The following XKR9 variants were observed in gnomAD, a reference collection of about 807,000 sequenced individuals.
XKR9 encodes XK-related protein 9.
XKR9 carries 32 observed loss-of-function variants against 32.0 expected under a neutral mutation model. The ratio of observed to expected loss-of-function variants is 1.00; its 90% CI spans 0.76 to 1.34. The LOEUF (loss-of-function observed/expected upper bound fraction) is 1.34, where lower values mean the gene tolerates loss of function less well. Among genes scored for constraint, XKR9 ranks in the 40% most tolerant of loss-of-function variants. XKR9 has a pLI of 0.00. For missense variants in XKR9, 546 were observed against 429.7 expected, an observed-to-expected ratio of 1.27 and a Z score of -2.39; for synonymous variants, 168 against 143.4, an observed-to-expected ratio of 1.17 and a Z score of -1.22.
At chr8:70,966,350 G>C in the XKR9 span, among the ~76,000 whole-genome samples, 2 of 152,118 alleles carry the variant, frequency 1.3e-5, no homozygotes, top group African/African-American at 4.8e-5. Context: ...CTGGGTTCAA[G>C]TGATTCTCAT....
chr8:70,796,237 G>C, the XKR9 span, among the ~76,000 whole-genome samples: 5 of 151,822 alleles, frequency 3.3e-5, no homozygotes, highest in Non-Finnish European at 7.4e-5. Flanking sequence ...ACTAGGCTCT[G>C]GTGCCTGTTA....
At chr8:70,940,887 G>A in the XKR9 span, among the ~76,000 whole-genome samples, 8 of 152,044 alleles carry the variant, frequency 5.3e-5, no homozygotes, top group African/African-American at 1.2e-4. Flanking sequence ...GGTTTTCCCT[G>A]GTTGAGTTAG....
the XKR9 span, among the ~76,000 whole-genome samples, chr8:70,863,609 T>A: frequency 3.3e-5 from 5 of 152,164 alleles, no homozygotes; most frequent in Non-Finnish European, 7.3e-5. Flanking sequence ...GGTAGTCAGA[T>A]ATATGTGTTG....
At chr8:70,828,747 G>T in the XKR9 span, among the ~76,000 whole-genome samples, 1 of 136,570 alleles carries the variant, frequency 7.3e-6, no homozygotes, top group Non-Finnish European at 1.6e-5. Flanking sequence ...AAAAAAAAAA[G>T]AAAGACTGGT....
intron 2 of XKR9, among the ~76,000 whole-genome samples, chr8:70,774,119 C>T (rs1807488496): frequency 6.6e-6 from 1 of 152,094 alleles, no homozygotes; most frequent in African/African-American, 2.4e-5. Flanking sequence ...ACCCATGCTA[C>T]ATGTCCAGAA....
the XKR9 span, among the ~76,000 whole-genome samples, chr8:70,858,063 G>T: frequency 2.2e-4 from 33 of 152,262 alleles, no homozygotes; most frequent in African/African-American, 6.7e-4. Flanking sequence ...CACAAGACAG[G>T]GATGCCCTCT....
At chr8:70,720,521 T>C (rs1806243408) in intron 4 of XKR9, among the ~76,000 whole-genome samples, 1 of 152,214 alleles carries the variant, frequency 6.6e-6, no homozygotes. Context: ...GGTGTTGAAT[T>C]GTATTGAAGG....
chr8:70,995,822 C>T, the XKR9 span, among the ~76,000 whole-genome samples: 1 of 152,142 alleles, frequency 6.6e-6, no homozygotes, highest in Non-Finnish European at 1.5e-5. Flanking sequence ...ATCTTTCTGT[C>T]GGAAATTCTT....
At chr8:70,704,268 A>G (rs1218023683) in intron 3 of XKR9, among the ~76,000 whole-genome samples, 7 of 152,164 alleles carry the variant, frequency 4.6e-5, no homozygotes, top group Non-Finnish European at 1.0e-4. Context: ...AATTATATTC[A>G]TATTCCTTTT....
At chr8:70,851,607 A>G in the XKR9 span, among the ~76,000 whole-genome samples, 1 of 152,186 alleles carries the variant, frequency 6.6e-6, no homozygotes, top group African/African-American at 2.4e-5. Context: ...GGAACAGAAC[A>G]GAGGCCTCAG....
chr8:70,884,745 CTATT>C, the XKR9 span, among the ~76,000 whole-genome samples: 1 of 152,102 alleles, frequency 6.6e-6, no homozygotes, highest in Non-Finnish European at 1.5e-5. Flanking sequence ...ATTCGTGTCT[CTATT>C]TATTCTTTTG....
the XKR9 span, among the ~76,000 whole-genome samples, chr8:70,805,705 G>A: frequency 3.3e-5 from 5 of 152,206 alleles, no homozygotes; most frequent in South Asian, 2.1e-4. Context: ...CTTCCCTGCA[G>A]GAACTCCAAT....
At chr8:70,700,722 A>G (rs1805493644) in intron 3 of XKR9, among the ~76,000 whole-genome samples, 1 of 152,168 alleles carries the variant, frequency 6.6e-6, no homozygotes. Flanking sequence ...AAGCTGTCAG[A>G]CAGGGACATT....
chr8:70,799,940 G>T, the XKR9 span, among the ~76,000 whole-genome samples: 1 of 152,122 alleles, frequency 6.6e-6, no homozygotes, highest in African/African-American at 2.4e-5. Flanking sequence ...GTCTTGAGCT[G>T]GTTTTCAAGG....
At chr8:70,850,327 G>T in the XKR9 span, among the ~76,000 whole-genome samples, 1 of 151,876 alleles carries the variant, frequency 6.6e-6, no homozygotes, top group East Asian at 1.9e-4. Flanking sequence ...TGGGTGTGGT[G>T]GTGAGTGCTT....
At chr8:70,771,764 CT>C (rs2130233561) in intron 2 of XKR9, among the ~76,000 whole-genome samples, 1 of 152,220 alleles carries the variant, frequency 6.6e-6, no homozygotes, top group African/African-American at 2.4e-5. Context: ...GTAGCTTGAC[CT>C]CTTGAGAACC....
At chr8:70,736,381 G>A (rs550753978), downstream of XKR9, among the ~76,000 whole-genome samples, 37 of 152,168 alleles carry the variant, frequency 2.4e-4, no homozygotes, top group African/African-American at 8.7e-4. Flanking sequence ...TTTGTCAGAT[G>A]AGTAGGTTGC....
intron 4 of XKR9, among the ~76,000 whole-genome samples, chr8:70,715,273 C>T (rs1320766155): frequency 1.3e-5 from 2 of 152,090 alleles, no homozygotes; most frequent in Non-Finnish European, 2.9e-5. Context: ...TAGCCACATC[C>T]CCAAAATGCC....
chr8:70,722,823 C>T (rs138526258), intron 4 of XKR9, among the ~76,000 whole-genome samples: 1,602 of 151,964 alleles, frequency 0.011, 36 homozygotes, highest in African/African-American at 0.037. Context: ...CTGTATTTCC[C>T]GAATTTGAAT....
Sources: allele counts gnomAD v4.1 joint callset (sites outside exome capture counted in the v4.1 genomes callset), GRCh38; gene constraint gnomAD v4.1.1; transcripts MANE v1.5; gene names NCBI Gene and HGNC (gene_info 2026-07-23, HGNC 2026-07-21).